The following PDE3B variants were observed in gnomAD, a reference collection of about 807,000 sequenced individuals.
PDE3B encodes the protein phosphodiesterase 3B, also known as cGMP-inhibited 3',5'-cyclic phosphodiesterase 3B.
A neutral mutation model predicts 116.8 loss-of-function variants in PDE3B; 66 were observed. The observed-to-expected ratio is 0.56, with a 90% CI of 0.46 to 0.69. The LOEUF (loss-of-function observed/expected upper bound fraction) is 0.69, where lower values mean the gene tolerates loss of function less well. Ranked by LOEUF, PDE3B falls within the 30% of genes least tolerant of loss-of-function variation. The pLI is 0.00. For missense variants in PDE3B, 1,384 were observed against 1,368.1 expected (o/e 1.01, Z -0.18); for synonymous variants, 595 against 533.6 (o/e 1.12, Z -1.59).
intron 10 of PDE3B, 111 bp from the exon 11 acceptor site, chr11:14,834,871 G>T: frequency 2.0e-6 from 1 of 505,434 alleles, no homozygotes; most frequent in Admixed American, 3.7e-5. Context: ...TCAATTGTGG[G>T]GAATTAGTCT....
At chr11:14,884,769 T>C in the PDE3B span, among the ~76,000 whole-genome samples, 1 of 152,070 alleles carries the variant, frequency 6.6e-6, no homozygotes, top group African/African-American at 2.4e-5. Context: ...GTTGAATGCT[T>C]TATGATAAAA....
At chr11:14,885,687 T>C in the PDE3B span, 1 of 1,372,062 alleles carries the variant, frequency 7.3e-7, no homozygotes, top group Non-Finnish European at 1.0e-6. Flanking sequence ...CAGTATAAAA[T>C]AATCCCAACT....
intron 1 of PDE3B, among the ~76,000 whole-genome samples, chr11:14,735,687 TA>T (rs1455785015): frequency 7.9e-5 from 12 of 152,340 alleles, no homozygotes; most frequent in African/African-American, 2.6e-4. Context: ...AAGTGCTCAA[TA>T]GCTATACATA....
chr11:14,722,579 T>G (rs1485063301), intron 1 of PDE3B, among the ~76,000 whole-genome samples: 1 of 152,180 alleles, frequency 6.6e-6, no homozygotes, highest in Non-Finnish European at 1.5e-5. Flanking sequence ...GACATTTTTA[T>G]CATATATTTA....
chr11:14,703,911 TCTCA>T (rs1855449570), intron 1 of PDE3B, among the ~76,000 whole-genome samples: 1 of 151,750 alleles, frequency 6.6e-6, no homozygotes, highest in African/African-American at 2.4e-5. Context: ...TTTGTTTAAC[TCTCA>T]CTCTTGGATG....
At chr11:14,759,949 A>C (rs925763810) in intron 1 of PDE3B, among the ~76,000 whole-genome samples, 4 of 152,332 alleles carry the variant, frequency 2.6e-5, no homozygotes, top group Admixed American at 6.5e-5. Flanking sequence ...ATCAGTTGAA[A>C]ATTCATTATT....
At chr11:14,664,609 C>G (rs1348228327) in intron 1 of PDE3B, among the ~76,000 whole-genome samples, 1 of 152,144 alleles carries the variant, frequency 6.6e-6, no homozygotes. Flanking sequence ...CACAGAAATA[C>G]AAACTACCGT....
rs1402775289 is a variant in PDE3B at position 14,870,153 on chromosome 11, CCTTT to C, written c.*496_*499del. The C allele has an allele frequency of 1.3e-5, 2 of 154,066 alleles. No individual in the cohort carries two copies. The highest frequency in any genetic ancestry group is 6.5e-5 in the Admixed American group (1 of 15,482). 9.5% of individuals were successfully genotyped at this position (154,066 alleles called of 1,614,324 possible). On this transcript the variant is annotated 3_prime_UTR_variant, in exon 16 of 16. Coordinates refer to ENST00000282096, the MANE Select transcript of PDE3B (RefSeq NM_000922.4). The surrounding 1 kb of genome is among the most constrained non-coding windows in gnomAD (Gnocchi z 4.1). Reference sequence around the variant, plus strand: ...CTGTCTAAAAATGAATCCAGTGTTGCCTTTCTGAGGGATTTCTGCTCAATGCAAT... The same window carrying C: ...CTGTCTAAAAATGAATCCAGTGTTGCCTGAGGGATTTCTGCTCAATGCAAT...
intron 1 of PDE3B, among the ~76,000 whole-genome samples, chr11:14,687,055 ATTATG>A (rs567501049): frequency 2.2e-4 from 33 of 152,282 alleles, no homozygotes; most frequent in African/African-American, 7.7e-4. Flanking sequence ...ATGCAGGTGT[ATTATG>A]TTATATTTAT....
At chr11:14,692,010 G>T (rs1855052723) in intron 1 of PDE3B, among the ~76,000 whole-genome samples, 1 of 152,138 alleles carries the variant, frequency 6.6e-6, no homozygotes, top group South Asian at 2.1e-4. Flanking sequence ...GCTCATGCCT[G>T]TAATCCCAGT....
intron 7 of PDE3B, among the ~76,000 whole-genome samples, chr11:14,825,227 A>G (rs920493444): frequency 1.3e-5 from 2 of 152,222 alleles, no homozygotes; most frequent in Non-Finnish European, 1.5e-5. Flanking sequence ...AAGCTACCAC[A>G]CAAGCTGGCT....
chr11:14,657,781 A>G (rs1029818658), intron 1 of PDE3B, among the ~76,000 whole-genome samples: 2 of 152,234 alleles, frequency 1.3e-5, no homozygotes, highest in Non-Finnish European at 2.9e-5. Flanking sequence ...TATTTTAAAT[A>G]ATAAAACAGG....
rs564233939 is a variant in PDE3B, at chr11:14,655,348, T to C, written c.978+10295T>C. On this transcript the variant is annotated intron_variant, in intron 1 of 15. Transcript: ENST00000282096. ...GTCTATATATATACATACACATATA[T>C]ACACACACATATAATTATTTCCAAA... Among the ~76,000 whole-genome samples the C allele has an allele frequency of 2.0e-4, 30 of 152,312 alleles. No homozygotes were observed. The South Asian group carries it at 6.0e-3, about 30-fold the overall frequency.
At chr11:14,684,353 C>A (rs1031912436) in intron 1 of PDE3B, among the ~76,000 whole-genome samples, 1 of 152,090 alleles carries the variant, frequency 6.6e-6, no homozygotes, top group East Asian at 1.9e-4. Flanking sequence ...TTAAAGCCAG[C>A]AGGTTGTATT....
intron 1 of PDE3B, among the ~76,000 whole-genome samples, chr11:14,693,292 T>C (rs1855100798): frequency 6.6e-6 from 1 of 152,202 alleles, no homozygotes; most frequent in Non-Finnish European, 1.5e-5. Context: ...GCAAGTTATC[T>C]AGAACATCTA....
intron 2 of PDE3B, among the ~76,000 whole-genome samples, chr11:14,776,946 A>T (rs1275433810): frequency 6.6e-6 from 1 of 152,190 alleles, no homozygotes; most frequent in Non-Finnish European, 1.5e-5. Flanking sequence ...CAGATTTGGA[A>T]TTATCTGGCA....
At chr11:14,848,807 G>A in intron 12 of PDE3B, among the ~76,000 whole-genome samples, 1 of 152,118 alleles carries the variant, frequency 6.6e-6, no homozygotes, top group East Asian at 1.9e-4. Flanking sequence ...TCTTCAAGGA[G>A]AACTACAAAC....
intron 1 of PDE3B, among the ~76,000 whole-genome samples, chr11:14,766,679 A>C (rs541537463): frequency 6.5e-4 from 99 of 151,714 alleles, no homozygotes; most frequent in South Asian, 5.0e-3. Flanking sequence ...AACAAACAAA[A>C]AAAAAACAGG....
chr11:14,886,276 T>C, the PDE3B span: 2 of 210,530 alleles, frequency 9.5e-6, no homozygotes, highest in Non-Finnish European at 1.9e-5. Flanking sequence ...AAAATATATT[T>C]GATATATATG....
Sources: allele counts gnomAD v4.1 joint callset (sites outside exome capture counted in the v4.1 genomes callset), GRCh38; gene constraint gnomAD v4.1.1; non-coding constraint Gnocchi (gnomAD v3.1); transcripts MANE v1.5; gene names NCBI Gene and HGNC (gene_info 2026-07-23, HGNC 2026-07-21).